LAMA3: variants seen among roughly 807,000 people sequenced by gnomAD.
LAMA3 encodes the protein laminin subunit alpha-3.
In LAMA3, 281 loss-of-function variants were observed where a neutral mutation model predicts 402.0. The ratio of observed to expected loss-of-function variants is 0.70; its 90% confidence interval spans 0.63 to 0.77. The LOEUF is 0.77. Ranked by LOEUF, LAMA3 falls within the 30% of genes least tolerant of loss-of-function variation. The pLI is 0.00. For synonymous variants in LAMA3, 1,431 were observed against 1,558.4 expected, an observed-to-expected ratio of 0.92 and a Z score of 1.93; for missense variants, 3,840 against 4,215.5, an observed-to-expected ratio of 0.91 and a Z score of 2.47.
chr18:23,880,253 C>T (rs372615626), intron 39 of LAMA3, among the ~76,000 whole-genome samples: 4 of 152,262 alleles, frequency 2.6e-5, no homozygotes, highest in East Asian at 1.9e-4. Flanking sequence ...AGGAAGGATT[C>T]CGGATAGGGG....
chr18:23,945,800 C>A (rs1203244358), intron 69 of LAMA3, among the ~76,000 whole-genome samples: 1 of 152,232 alleles, frequency 6.6e-6, no homozygotes, highest in African/African-American at 2.4e-5. Flanking sequence ...TATAAACTGT[C>A]CCTGCCCCTT....
intron 5 of LAMA3, 126 bp from the exon 6 acceptor site, chr18:23,753,595 T>G (rs2061789859): frequency 2.8e-6 from 2 of 725,868 alleles, no homozygotes; most frequent in East Asian, 5.4e-5. Context: ...TACATCCCAA[T>G]GTAGGGCTCA....
intron 59 of LAMA3, among the ~76,000 whole-genome samples, chr18:23,915,698 TA>T (rs1210462511): frequency 6.6e-6 from 1 of 152,022 alleles, no homozygotes; most frequent in African/African-American, 2.4e-5. Context: ...ACAAAATATT[TA>T]ATATTAGATG....
chr18:23,861,901 G>C, intron 35 of LAMA3, 94 bp downstream of exon 35: 2 of 1,353,156 alleles, frequency 1.5e-6, no homozygotes, highest in Non-Finnish European at 2.0e-6. Context: ...GAAGCATCCA[G>C]CAGTTCAGGT....
intron 13 of LAMA3, among the ~76,000 whole-genome samples, chr18:23,812,019 A>G (rs1168058069): frequency 6.6e-6 from 1 of 151,802 alleles, no homozygotes; most frequent in East Asian, 2.0e-4. Context: ...GATTACAGGC[A>G]TGTGCCACCA....
intron 42 of LAMA3, among the ~76,000 whole-genome samples, chr18:23,892,254 T>C (rs187890862): frequency 5.6e-4 from 85 of 152,286 alleles, no homozygotes; most frequent in African/African-American, 1.8e-3. Context: ...GCAACCCTCA[T>C]TTCCCCCACG....
intron 67 of LAMA3, among the ~76,000 whole-genome samples, chr18:23,935,864 G>A (rs1208337736): frequency 6.6e-6 from 1 of 152,084 alleles, no homozygotes; most frequent in Non-Finnish European, 1.5e-5. Flanking sequence ...ATGGGAATCA[G>A]GAGGGTTCTT....
chr18:23,827,951 ATGGCT>A (rs2063417665), intron 23 of LAMA3, among the ~76,000 whole-genome samples: 1 of 152,186 alleles, frequency 6.6e-6, no homozygotes, highest in Non-Finnish European at 1.5e-5. Context: ...CACCTACCTC[ATGGCT>A]TGGAGGACAG....
rs560145444 is a variant in LAMA3 at position 23,735,110 on chromosome 18, G to A, written c.448-12833G>A. Among the ~76,000 whole-genome samples the A allele has an allele frequency of 3.9e-5, 6 of 152,332 alleles. No homozygotes were observed. The South Asian group carries it at 8.3e-4, about 21-fold the overall frequency. On this transcript the variant is annotated intron_variant, in intron 2 of 74. Coordinates refer to ENST00000313654, the MANE Select transcript of LAMA3 (RefSeq NM_198129.4). ...AACCACAAGAAGGAAAGGGTTCCTC[G>A]TAGACTGCATGTGACTCCCCCTTGG... is the stretch of plus-strand genomic sequence containing the variant.
rs147208526 is a variant in LAMA3, at chr18:23,921,477, A to G, written c.8069A>G (p.Gln2690Arg). 357 of 1,613,544 alleles carry G rather than the reference A, an allele frequency of 2.2e-4. 1 individual carries two copies. The highest frequency in any genetic ancestry group is 7.8e-4 in the Admixed American group (47 of 59,962). ...ATTCAGATCAAAATTGGAAAACTCC[A>G]AAAGCGTATGTGGATAAATGTGGAC... Reference protein sequence around the residue: ...HSIQIKIGKLQKRMWINVDVQ... With the variant: ...HSIQIKIGKLRKRMWINVDVQ... Residue 2690 changes from glutamine to arginine, a missense_variant, in exon 62 of 75, where the codon CAA becomes CGA. Gln to Arg is a conservative substitution (Grantham distance 43, BLOSUM62 1). Around this residue, in one of 3 missense-constraint regions of LAMA3, gnomAD observed 840 missense variants for 981.9 expected, o/e 0.86. Coordinates refer to ENST00000313654, the MANE Select transcript of LAMA3 (RefSeq NM_198129.4).
intron 40 of LAMA3, among the ~76,000 whole-genome samples, chr18:23,883,730 A>C (rs1042797263): frequency 2.0e-5 from 3 of 152,222 alleles, no homozygotes; most frequent in Admixed American, 2.0e-4. Flanking sequence ...AAGCTGGCAA[A>C]AGTAGAAAGC....
In LAMA3 at chr18:23,881,973, G is replaced by A. The variant is rs754903702; in HGVS notation, c.5150G>A (p.Arg1717His). Reference sequence around the variant, plus strand: ...AACACCGCGGGAGAGCACTGTGAACGCTGCCAGGAGGGCTACTATGGCAAC... The same window carrying A: ...AACACCGCGGGAGAGCACTGTGAACACTGCCAGGAGGGCTACTATGGCAAC... Reference protein sequence around the residue: ...QHNTAGEHCERCQEGYYGNAV... With the variant: ...QHNTAGEHCEHCQEGYYGNAV... The change falls in exon 40 of 75, where the codon CGC becomes CAC. Residue 1717 changes from arginine to histidine, a missense_variant. Arg to His is a conservative substitution (Grantham distance 29). Transcript: ENST00000313654. 1.1e-5 allele frequency: 18 copies of A among 1,613,884 alleles called. No individual in the cohort carries two copies. The highest frequency in any genetic ancestry group is 1.4e-5 in the Non-Finnish European group (17 of 1,179,950).
rs369933573 is a variant in LAMA3, at chr18:23,788,711, A to G, written c.1603+4554A>G. Among the ~76,000 whole-genome samples, 125 of 152,126 alleles carry G rather than the reference A, an allele frequency of 8.2e-4. 3 individuals are homozygous for G. In the South Asian group the frequency reaches 0.025, roughly 31 times the overall value. On this transcript the variant is annotated intron_variant, in intron 12 of 74. Transcript: ENST00000313654. ...AATCTTCATAACCATAAATTAGGCA[A>G]CTGTTTCTTAGATATGACAACAAAA...
chr18:23,704,158 C>A (rs996002977), intron 1 of LAMA3, among the ~76,000 whole-genome samples: 12 of 152,196 alleles, frequency 7.9e-5, no homozygotes, highest in Non-Finnish European at 1.6e-4. Flanking sequence ...TCTTGCCGGG[C>A]TTTTTGTGCC....
intron 48 of LAMA3, 29 bp from the exon 49 acceptor site, chr18:23,902,980 C>T (rs776853847): frequency 3.7e-6 from 5 of 1,340,984 alleles, no homozygotes; most frequent in Non-Finnish European, 5.4e-6. Context: ...TATCATAGAG[C>T]TCAAGCAATT....
chr18:23,895,965 T>A (rs1262004259), intron 44 of LAMA3, among the ~76,000 whole-genome samples: 2 of 152,198 alleles, frequency 1.3e-5, no homozygotes, highest in African/African-American at 4.8e-5. Flanking sequence ...CACCTTGCAA[T>A]GTTATGTTTT....
chr18:23,909,077 C>T, intron 54 of LAMA3, 76 bp from the exon 55 acceptor site: 2 of 1,396,662 alleles, frequency 1.4e-6, no homozygotes, highest in Admixed American at 1.7e-5. Context: ...TTGACAAATA[C>T]TGTCAGTAAG....
chr18:23,943,729 T>C, intron 68 of LAMA3, 59 bp from the exon 69 acceptor site: 1 of 1,521,654 alleles, frequency 6.6e-7, no homozygotes, highest in Non-Finnish European at 9.1e-7. Context: ...GTCTCAGTGC[T>C]GAGATTCGAA....
intron 2 of LAMA3, among the ~76,000 whole-genome samples, chr18:23,729,163 TAG>T (rs968095212): frequency 2.2e-4 from 33 of 147,948 alleles, no homozygotes; most frequent in Non-Finnish European, 2.7e-4. Flanking sequence ...TTTGTGTGTG[TAG>T]AGAGAGAGAG....
Sources: allele counts gnomAD v4.1 joint callset (sites outside exome capture counted in the v4.1 genomes callset), GRCh38; gene constraint gnomAD v4.1.1; regional missense constraint gnomAD v4.1.1; transcripts MANE v1.5; gene names NCBI Gene and HGNC (gene_info 2026-07-23, HGNC 2026-07-21).